The following SDK1 variants were observed in gnomAD, a reference collection of about 807,000 sequenced individuals.
The protein encoded by SDK1 is sidekick cell adhesion molecule 1.
SDK1 carries 157 observed loss-of-function variants against 245.5 expected under a neutral mutation model. The ratio of observed to expected loss-of-function variants is 0.64; its 90% CI spans 0.56 to 0.73. SDK1 has a LOEUF of 0.73. SDK1 is among the 30% of genes least tolerant of loss of function. The probability of loss-of-function intolerance (pLI) is 0.00; values close to 1 mark genes in which losing one functional copy is unlikely to be tolerated. For missense variants in SDK1, 3,583 were observed against 3,002.3 expected, an observed-to-expected ratio of 1.19 and a Z score of -4.52; for synonymous variants, 1,647 against 1,278.5, an observed-to-expected ratio of 1.29 and a Z score of -6.15.
At chr7:3,615,275 C>T (rs1781730529) in intron 1 of SDK1, among the ~76,000 whole-genome samples, 1 of 151,618 alleles carries the variant, frequency 6.6e-6, no homozygotes, top group South Asian at 2.1e-4. Flanking sequence ...AAGCTACCTC[C>T]ATTGCAGTTC....
rs560936431 is a variant in SDK1, at chr7:3,642,490, T to TC, written c.713+390dup. The stretch of plus-strand genomic sequence containing the variant: ...ACTTACAGTGCTGTGGGGTTTTTTT[T>TC]CCCCCTCCTTTTATTGAGCCATGTT... On this transcript the variant is annotated intron_variant, in intron 4 of 44. Transcript: ENST00000404826. 1.7e-4 allele frequency among the ~76,000 whole-genome samples: 26 copies of TC among 152,272 alleles called. 1 individual carries two copies. In the East Asian group the frequency reaches 3.3e-3, roughly 19 times the overall value.
At chr7:3,872,060 G>GT (rs61067772) in intron 5 of SDK1, among the ~76,000 whole-genome samples, 39,209 of 151,922 alleles carry the variant, frequency 0.26, 6,160 homozygotes, top group African/African-American at 0.44. Flanking sequence ...CATTTGTTTT[G>GT]TTTTTTCTTA....
chr7:4,232,104 C>G (rs541494711), intron 40 of SDK1, among the ~76,000 whole-genome samples: 1 of 147,242 alleles, frequency 6.8e-6, no homozygotes, highest in African/African-American at 2.5e-5. Context: ...TACAAACACA[C>G]GTACAGCACT....
chr7:3,949,933 A>G (rs908730061), intron 5 of SDK1, among the ~76,000 whole-genome samples: 2 of 152,234 alleles, frequency 1.3e-5, no homozygotes, highest in African/African-American at 4.8e-5. Flanking sequence ...AGGAGTAAGA[A>G]TGCCCACTGC....
chr7:4,166,656 G>A (rs192236188), intron 32 of SDK1, among the ~76,000 whole-genome samples: 155 of 152,372 alleles, frequency 1.0e-3, no homozygotes, highest in Middle Eastern at 3.4e-3. Flanking sequence ...GAAGGCACAG[G>A]ATGGAAAGTG....
intron 5 of SDK1, among the ~76,000 whole-genome samples, chr7:3,897,928 A>T (rs1781657640): frequency 2.1e-5 from 3 of 143,666 alleles, no homozygotes; most frequent in Non-Finnish European, 3.1e-5. Flanking sequence ...CTTTTCTCTC[A>T]CTCTTTTCTT....
At chr7:3,837,986 C>A (rs370624735) in intron 5 of SDK1, among the ~76,000 whole-genome samples, 1 of 152,130 alleles carries the variant, frequency 6.6e-6, no homozygotes, top group African/African-American at 2.4e-5. Context: ...CCCAGGTCCC[C>A]TTGAGAGCCC....
intron 38 of SDK1, among the ~76,000 whole-genome samples, chr7:4,215,791 C>G (rs1012154716): frequency 4.6e-5 from 7 of 152,170 alleles, no homozygotes; most frequent in Non-Finnish European, 7.3e-5. Context: ...CGTTCTTAGA[C>G]AATAGTCAGA....
chr7:4,004,825 C>T (rs1021599449), intron 14 of SDK1, among the ~76,000 whole-genome samples: 2 of 152,070 alleles, frequency 1.3e-5, no homozygotes, highest in African/African-American at 4.8e-5. Flanking sequence ...CCCTAAGTGT[C>T]TAAAAAGAAA....
Position 4,268,363 on chromosome 7 carries a change from C to T in SDK1, c.*2979C>T. The T allele has an allele frequency of 1.9e-6, 2 of 1,054,538 alleles. No individual in the cohort carries two copies. The highest frequency in any genetic ancestry group is 2.3e-6 in the Non-Finnish European group (2 of 869,094). The allele number at this position is 1,054,538 out of a possible 1,614,324, so 65.3% of individuals were successfully genotyped here. On this transcript the variant is annotated 3_prime_UTR_variant, in exon 45 of 45. Coordinates refer to ENST00000404826, the MANE Select transcript of SDK1 (RefSeq NM_152744.4). ...GAGCTGCCAGGCCACACCCCCTCGG[C>T]CTCCTGCACGGCCACCTTCTGGGTG...
chr7:3,609,552 C>A (rs1332882593), intron 1 of SDK1, among the ~76,000 whole-genome samples: 2 of 152,036 alleles, frequency 1.3e-5, no homozygotes, highest in Admixed American at 1.3e-4. Flanking sequence ...AGGCACGTGC[C>A]ACCATACCCG....
At chr7:3,735,993 G>A (rs536542717) in intron 4 of SDK1, among the ~76,000 whole-genome samples, 1 of 152,266 alleles carries the variant, frequency 6.6e-6, no homozygotes, top group South Asian at 2.1e-4. Flanking sequence ...CTTCTTTGGA[G>A]AAATGTCCAT....
At chr7:4,123,830 T>C (rs1315342709) in intron 25 of SDK1, among the ~76,000 whole-genome samples, 1 of 152,352 alleles carries the variant, frequency 6.6e-6, no homozygotes, top group East Asian at 1.9e-4. Context: ...GCCGATCTAA[T>C]GTCCATGCAG....
chr7:3,394,190 C>T (rs1781834099), intron 1 of SDK1, among the ~76,000 whole-genome samples: 1 of 152,072 alleles, frequency 6.6e-6, no homozygotes, highest in African/African-American at 2.4e-5. Context: ...AGTCTCTCCT[C>T]TACTTCTCCC....
chr7:3,860,602 C>T (rs1583486127), intron 5 of SDK1, among the ~76,000 whole-genome samples: 1 of 152,218 alleles, frequency 6.6e-6, no homozygotes, highest in East Asian at 1.9e-4. Flanking sequence ...TTGGTGATAT[C>T]TATTGAGAAA....
intron 1 of SDK1, among the ~76,000 whole-genome samples, chr7:3,561,713 G>T (rs979174413): frequency 3.9e-5 from 6 of 152,158 alleles, no homozygotes; most frequent in Non-Finnish European, 7.3e-5. Context: ...TTCTGAAGCT[G>T]CAGGAGATAT....
intron 1 of SDK1, among the ~76,000 whole-genome samples, chr7:3,596,677 G>C (rs753696793): frequency 6.6e-6 from 1 of 151,722 alleles, no homozygotes; most frequent in Non-Finnish European, 1.5e-5. Flanking sequence ...ACCTGTGCTT[G>C]AATTTCATAT....
At chr7:3,572,885 G>T (rs1053462736) in intron 1 of SDK1, among the ~76,000 whole-genome samples, 1 of 152,080 alleles carries the variant, frequency 6.6e-6, no homozygotes. Flanking sequence ...ATTCCTGGAA[G>T]AATTCCATTG....
chr7:3,952,778 A>G (rs961598686), intron 7 of SDK1, among the ~76,000 whole-genome samples: 11 of 152,120 alleles, frequency 7.2e-5, no homozygotes, highest in Non-Finnish European at 1.6e-4. Flanking sequence ...AAAATTAAGT[A>G]CACTGGAGTT....
Sources: allele counts gnomAD v4.1 joint callset (sites outside exome capture counted in the v4.1 genomes callset), GRCh38; gene constraint gnomAD v4.1.1; transcripts MANE v1.5; gene names NCBI Gene and HGNC (gene_info 2026-07-23, HGNC 2026-07-21).